Variants in SEC22C observed in about 807,000 individuals in gnomAD.
The protein encoded by SEC22C is vesicle-trafficking protein SEC22c.
Under a neutral mutation model 34.7 loss-of-function variants are expected in SEC22C, and 29 were observed. The observed-to-expected ratio is 0.84, with a 90% CI of 0.62 to 1.14. The LOEUF (loss-of-function observed/expected upper bound fraction) is 1.14. SEC22C is among the 50% of genes most tolerant of loss of function. The pLI, the probability that SEC22C is intolerant of heterozygous loss-of-function variation, is 0.00. For synonymous variants in SEC22C, 117 were observed against 132.8 expected (o/e 0.88, Z 0.82); for missense variants, 337 against 369.0 (o/e 0.91, Z 0.71).
intron 1 of SEC22C, among the ~76,000 whole-genome samples, chr3:42,596,074 T>G (rs886647995): frequency 3.9e-5 from 6 of 152,138 alleles, no homozygotes; most frequent in African/African-American, 1.4e-4. Flanking sequence ...TCTGTCGGAG[T>G]GCAGTGGTGC....
rs563964020 is a variant in SEC22C, at chr3:42,593,993, G to C, written c.-28+6967C>G. ...ATAGCCATAAGAGGTGAGATCAGAG[G>C]GGGACTGGAGGCCCCCATCATGTAG... On this transcript the variant is annotated intron_variant, in intron 1 of 6. Transcript: ENST00000417572. Among the ~76,000 whole-genome samples, 50 of 152,264 alleles carry C rather than the reference G, an allele frequency of 3.3e-4. 1 individual carries two copies. In the South Asian group the frequency reaches 0.01, roughly 31 times the overall value.
intron 1 of SEC22C, among the ~76,000 whole-genome samples, chr3:42,571,372 ACT>A (rs1298526365): frequency 6.6e-6 from 1 of 152,198 alleles, no homozygotes; most frequent in African/African-American, 2.4e-5. Context: ...AACTAGTGAA[ACT>A]CACATCTATT....
chr3:42,598,696 CA>C (rs946629130), intron 1 of SEC22C, among the ~76,000 whole-genome samples: 2 of 151,798 alleles, frequency 1.3e-5, no homozygotes, highest in African/African-American at 4.9e-5. Flanking sequence ...GACAAATTTA[CA>C]GAGAGAAAGT....
chr3:42,555,359 G>GA (rs1559511164), intron 6 of SEC22C, among the ~76,000 whole-genome samples: 7 of 133,566 alleles, frequency 5.2e-5, no homozygotes, highest in East Asian at 2.6e-4. Flanking sequence ...AAAAAAAAAA[G>GA]AAAAAAAAAG....
At position 42,552,081 on chromosome 3, in the gene SEC22C, C is replaced by T; in HGVS notation, c.*1167G>A. ...TTTCGGGAAACCTAAGGGATCTTAT[C>T]CAGAACCATATTTTGGAAAACTGTG... On this transcript the variant is annotated 3_prime_UTR_variant, in exon 7 of 7. Coordinates refer to ENST00000264454, the MANE Select transcript of SEC22C (RefSeq NM_032970.4). 1.0e-6 allele frequency: 1 copy of T among 985,380 alleles called. No individual in the cohort carries two copies. Among genetic ancestry groups the T allele is most frequent in the Non-Finnish European group, 1.2e-6 (1 of 829,920 alleles). The allele number at this position is 985,380 out of a possible 1,614,324, so 61.0% of individuals were successfully genotyped here. A position where few individuals can be genotyped will look rare whatever the true frequency, so the allele number is the denominator to read the frequency against.
At chr3:42,570,390 C>T (rs1055383106) in intron 1 of SEC22C, among the ~76,000 whole-genome samples, 1 of 152,122 alleles carries the variant, frequency 6.6e-6, no homozygotes, top group African/African-American at 2.4e-5. Context: ...TTTGCATTTC[C>T]ACTACCAAAA....
At chr3:42,566,865 A>G in intron 2 of SEC22C, 1 of 398,388 alleles carries the variant, frequency 2.5e-6, no homozygotes, top group African/African-American at 2.1e-5. Context: ...TTAGCTGGGT[A>G]TAGTGGTGTG....
In SEC22C at chr3:42,596,039, GTTTT is replaced by G. The variant is rs539975642; in HGVS notation, c.-28+4917_-28+4920del. Among the ~76,000 whole-genome samples, 24 of 149,500 alleles carry G rather than the reference GTTTT, an allele frequency of 1.6e-4. No individual in the cohort carries two copies. In the East Asian group the frequency reaches 4.1e-3, roughly 26 times the overall value. Reference sequence around the variant, plus strand: ...TTTGTTTTGTTTTGTTTTTGTTTTTGTTTTTTTTTGAGACGGAATCTCGCTCTGT... The same window carrying G: ...TTTGTTTTGTTTTGTTTTTGTTTTTGTTTTTGAGACGGAATCTCGCTCTGT... On this transcript the variant is annotated intron_variant, in intron 1 of 6. Coordinates refer to the SEC22C transcript ENST00000417572.
chr3:42,565,843 C>T, intron 2 of SEC22C: 1 of 451,684 alleles, frequency 2.2e-6, no homozygotes, highest in Non-Finnish European at 4.4e-6. Context: ...CCTTAGGGAA[C>T]TAACACACTC....
chr3:42,558,156 C>T (rs1162596696), intron 4 of SEC22C, among the ~76,000 whole-genome samples: 1 of 152,096 alleles, frequency 6.6e-6, no homozygotes, highest in Non-Finnish European at 1.5e-5. Flanking sequence ...AAAGAATTAT[C>T]TGATGCAAAA....
At chr3:42,592,467 T>C (rs1229321803) in intron 1 of SEC22C, among the ~76,000 whole-genome samples, 1 of 152,216 alleles carries the variant, frequency 6.6e-6, no homozygotes, top group African/African-American at 2.4e-5. Context: ...CCCAAAGTGT[T>C]GGAATTACAG....
intron 1 of SEC22C, among the ~76,000 whole-genome samples, chr3:42,587,933 C>T (rs1032846694): frequency 2.0e-5 from 3 of 151,464 alleles, no homozygotes; most frequent in Non-Finnish European, 4.4e-5. Context: ...ATTAGCTGGG[C>T]GTGGTGGTGC....
chr3:42,552,706 A>G lies in SEC22C; in HGVS notation c.*542T>C. 2 of 979,540 alleles carry G rather than the reference A, an allele frequency of 2.0e-6. No individual in the cohort carries two copies. The highest frequency in any genetic ancestry group is 2.4e-6 in the Non-Finnish European group (2 of 824,580). 60.7% of individuals were successfully genotyped at this position (979,540 alleles called of 1,614,324 possible). A position where few individuals can be genotyped will look rare whatever the true frequency, so the allele number is the denominator to read the frequency against. On this transcript the variant is annotated 3_prime_UTR_variant, in exon 7 of 7. Transcript: ENST00000264454. Reference sequence around the variant, plus strand: ...AAATATAATTAAATATTCCAAAGGTATATCGAACCTAAGATATTGAAAAAA... The same window carrying G: ...AAATATAATTAAATATTCCAAAGGTGTATCGAACCTAAGATATTGAAAAAA...
chr3:42,581,712 A>C (rs900309651), intron 1 of SEC22C, 134 bp downstream of exon 1: 3 of 152,496 alleles, frequency 2.0e-5, no homozygotes, highest in Non-Finnish European at 2.9e-5. Flanking sequence ...GGGGAGCCCC[A>C]TGGTCAAGGC....
At chr3:42,600,833 C>A in intron 1 of SEC22C, 1 of 428,746 alleles carries the variant, frequency 2.3e-6, no homozygotes, top group Non-Finnish European at 4.1e-6. Context: ...AGGCCCGGGG[C>A]GGGAGGGGGC....
chr3:42,556,314 G>A lies in SEC22C; in HGVS notation c.646-319C>T, dbSNP rs148001482. On this transcript the variant is annotated intron_variant, in intron 5 of 6. Coordinates refer to ENST00000264454, the MANE Select transcript of SEC22C (RefSeq NM_032970.4). ...CTTTCTCTAATTCCTCCCATCTCCA[G>A]GCACTGCCGCCTCTTTAGGATTGCC... Among the ~76,000 whole-genome samples, 307 of 152,338 alleles carry A rather than the reference G, an allele frequency of 2.0e-3. 1 individual carries two copies. The highest frequency in any genetic ancestry group is 7.0e-3 in the African/African-American group (292 of 41,580).
chr3:42,594,585 A>T, intron 1 of SEC22C: 1 of 1,298,754 alleles, frequency 7.7e-7, no homozygotes, highest in Non-Finnish European at 1.1e-6. Flanking sequence ...CTCTTACAAA[A>T]TGGAGACAGG....
intron 1 of SEC22C, chr3:42,591,206 T>TC (rs1559536557): frequency 6.8e-6 from 4 of 584,206 alleles, no homozygotes; most frequent in Non-Finnish European, 1.2e-5. Context: ...CTCTCCTTTT[T>TC]TTTTTTTTTT....
chr3:42,592,871 C>A (rs1329361209), intron 1 of SEC22C, among the ~76,000 whole-genome samples: 1 of 152,084 alleles, frequency 6.6e-6, no homozygotes, highest in Admixed American at 6.5e-5. Context: ...AACTCTACCC[C>A]CCCCACCGTA....
Sources: allele counts gnomAD v4.1 joint callset (sites outside exome capture counted in the v4.1 genomes callset), GRCh38; gene constraint gnomAD v4.1.1; transcripts MANE v1.5; gene names NCBI Gene and HGNC (gene_info 2026-07-23, HGNC 2026-07-21).